KCNIP4: variants seen among roughly 807,000 people sequenced by gnomAD.
KCNIP4 encodes Kv channel-interacting protein 4.
A neutral mutation model predicts 34.0 loss-of-function variants in KCNIP4; 12 were observed. The ratio of observed to expected loss-of-function variants is 0.35; its 90% confidence interval spans 0.23 to 0.57. The LOEUF is 0.57. Among genes scored for constraint, KCNIP4 ranks in the 20% least tolerant of loss-of-function variants. The pLI is 0.83. For missense variants in KCNIP4, 238 were observed against 311.7 expected, an observed-to-expected ratio of 0.76 and a Z score of 1.78; for synonymous variants, 124 against 102.2, an observed-to-expected ratio of 1.21 and a Z score of -1.29.
In KCNIP4 at chr4:21,501,244, T is replaced by TCACACACA. The variant is rs755377009; in HGVS notation, c.61+447326_61+447327insTGTGTGTG. Reference sequence around the variant, plus strand: ...GCCTTTCTCTCTCTCTCTCTCTCTCTCTCTCACACACACACACACACACAC... The same window carrying TCACACACA: ...GCCTTTCTCTCTCTCTCTCTCTCTCTCACACACACTCTCACACACACACACACACACAC... On this transcript the variant is annotated intron_variant, in intron 1 of 8. Transcript: ENST00000382152. Among the ~76,000 whole-genome samples, 222 of 142,530 alleles carry TCACACACA rather than the reference T, an allele frequency of 1.6e-3. 1 individual carries two copies. Among genetic ancestry groups the TCACACACA allele is most frequent in the African/African-American group, 5.8e-3 (209 of 36,124 alleles). 93.5% of individuals were successfully genotyped at this position (142,530 alleles called of 152,430 possible).
Position 21,241,899 on chromosome 4 carries a change from T to TCA in KCNIP4, c.62-359192_62-359191dup, listed in dbSNP as rs563280990. On this transcript the variant is annotated intron_variant, in intron 1 of 8. Transcript: ENST00000382152. ...TCTTATGTTGGCCGGGCGTGGTGGCTCACGCCTGTAATCCCAGCACTTTGG... is the reference window on the plus strand; with the variant it reads ...TCTTATGTTGGCCGGGCGTGGTGGCTCACACGCCTGTAATCCCAGCACTTTGG... Among the ~76,000 whole-genome samples the TCA allele has an allele frequency of 1.2e-4, 19 of 152,116 alleles. No homozygotes were observed. In the South Asian group the frequency reaches 2.7e-3, roughly 22 times the overall value.
chr4:20,822,816 G>A (rs1386554499), intron 3 of KCNIP4, among the ~76,000 whole-genome samples: 2 of 152,114 alleles, frequency 1.3e-5, no homozygotes, highest in African/African-American at 4.8e-5. Context: ...GGTATTAAGA[G>A]GTGGGACCTT....
Position 21,072,768 on chromosome 4 carries a change from T to TA in KCNIP4, c.62-190060dup. 2.0e-5 allele frequency among the ~76,000 whole-genome samples: 3 copies of TA among 152,346 alleles called. No homozygotes were observed. The Middle Eastern group carries it at 0.01, about 518-fold the overall frequency. On this transcript the variant is annotated intron_variant, in intron 1 of 8. Coordinates refer to ENST00000382152, the MANE Select transcript of KCNIP4 (RefSeq NM_025221.6). Reference sequence around the variant, plus strand: ...TGCCTAGGTTTTCTCCTAGGGTTTTTATGGTTTTGGGTCTAACATGTAAGT... The same window carrying TA: ...TGCCTAGGTTTTCTCCTAGGGTTTTTAATGGTTTTGGGTCTAACATGTAAGT...
At chr4:20,989,803 T>C (rs114508351) in intron 1 of KCNIP4, among the ~76,000 whole-genome samples, 1,943 of 152,140 alleles carry the variant, frequency 0.013, 37 homozygotes, top group African/African-American at 0.044. Flanking sequence ...ACCCTATCTC[T>C]ACAAAAATTG....
At chr4:21,577,704 T>C (rs17549542) in intron 1 of KCNIP4, among the ~76,000 whole-genome samples, 8,936 of 152,274 alleles carry the variant, frequency 0.059, 353 homozygotes, top group Non-Finnish European at 0.089. Flanking sequence ...GGTGCCTCTA[T>C]GCCGTTGCAC....
intron 1 of KCNIP4, chr4:20,916,242 G>T: frequency 3.9e-6 from 3 of 771,176 alleles, no homozygotes; most frequent in Non-Finnish European, 4.7e-6. Flanking sequence ...TATGATTTCT[G>T]CCCCAAAGAG....
At chr4:21,778,037 G>C (rs567123146) in intron 1 of KCNIP4, among the ~76,000 whole-genome samples, 22 of 151,928 alleles carry the variant, frequency 1.4e-4, no homozygotes, top group African/African-American at 4.8e-4. Flanking sequence ...AATTCTTCAA[G>C]AACCAATATA....
chr4:20,972,950 G>GA (rs1735120824), intron 1 of KCNIP4, among the ~76,000 whole-genome samples: 1 of 152,102 alleles, frequency 6.6e-6, no homozygotes, highest in South Asian at 2.1e-4. Context: ...AACAAATGAG[G>GA]ACTAACTTCT....
At chr4:21,761,127 A>G (rs572377054) in intron 1 of KCNIP4, among the ~76,000 whole-genome samples, 38 of 152,228 alleles carry the variant, frequency 2.5e-4, no homozygotes, top group African/African-American at 8.7e-4. Context: ...TTGAGAGATG[A>G]GTCTCACTCT....
chr4:20,970,035 G>A (rs948132375), intron 1 of KCNIP4, among the ~76,000 whole-genome samples: 4 of 151,282 alleles, frequency 2.6e-5, no homozygotes, highest in Non-Finnish European at 5.9e-5. Flanking sequence ...TCTGCCTCCC[G>A]GGTTCACTCC....
At chr4:20,731,737 C>G in intron 8 of KCNIP4, 2 of 985,332 alleles carry the variant, frequency 2.0e-6, no homozygotes, top group Non-Finnish European at 2.4e-6. Context: ...CATGAATACT[C>G]TCTAAGGAAT....
Position 21,606,363 on chromosome 4 carries a change from T to C in KCNIP4, c.61+342208A>G, listed in dbSNP as rs528787102. On this transcript the variant is annotated intron_variant, in intron 1 of 8. Transcript: ENST00000382152. ...ATCTTTCTGAGAATCCCTGATATGATCTGGGAACAGTAGTCAGCAGAGTCA... is the reference window on the plus strand; with the variant it reads ...ATCTTTCTGAGAATCCCTGATATGACCTGGGAACAGTAGTCAGCAGAGTCA... Among the ~76,000 whole-genome samples, 36 of 152,234 alleles carry C rather than the reference T, an allele frequency of 2.4e-4. 1 individual carries two copies. The South Asian group carries it at 6.8e-3, about 29-fold the overall frequency.
intron 1 of KCNIP4, among the ~76,000 whole-genome samples, chr4:21,334,092 A>C (rs1349755898): frequency 6.6e-6 from 1 of 152,052 alleles, no homozygotes; most frequent in Non-Finnish European, 1.5e-5. Context: ...AAATCCAATA[A>C]TCATTCATAG....
chr4:21,694,093 A>G lies in KCNIP4; in HGVS notation c.61+254478T>C, dbSNP rs150378996. On this transcript the variant is annotated intron_variant, in intron 1 of 8. Coordinates refer to ENST00000382152, the MANE Select transcript of KCNIP4 (RefSeq NM_025221.6). Reference sequence around the variant, plus strand: ...AACATGACAATATTAAATTTCACACATAAAGAAGAAACAGTTCAAAACATG... The same window carrying G: ...AACATGACAATATTAAATTTCACACGTAAAGAAGAAACAGTTCAAAACATG... Among the ~76,000 whole-genome samples, 487 of 152,346 alleles carry G rather than the reference A, an allele frequency of 3.2e-3. 6 individuals are homozygous for G. The highest frequency in any genetic ancestry group is 0.011 in the African/African-American group (455 of 41,584).
At position 21,698,509 on chromosome 4, in the gene KCNIP4, A is replaced by G. The variant is rs375820916; in HGVS notation, c.61+250062T>C. Among the ~76,000 whole-genome samples, 6 of 152,314 alleles carry G rather than the reference A, an allele frequency of 3.9e-5. No homozygotes were observed. In the East Asian group the frequency reaches 1.2e-3, roughly 29 times the overall value. Reference sequence around the variant, plus strand: ...AATTTTCACAAAGTACTTTCCTTTTAAGACATTGGGATAGAGGCAGTTGCT... The same window carrying G: ...AATTTTCACAAAGTACTTTCCTTTTGAGACATTGGGATAGAGGCAGTTGCT... On this transcript the variant is annotated intron_variant, in intron 1 of 8. Transcript: ENST00000382152.
At chr4:21,616,183 G>A (rs1372423376) in intron 1 of KCNIP4, among the ~76,000 whole-genome samples, 1 of 151,950 alleles carries the variant, frequency 6.6e-6, no homozygotes, top group African/African-American at 2.4e-5. Flanking sequence ...TTGCACTTAG[G>A]GTCTCCCATT....
intron 1 of KCNIP4, among the ~76,000 whole-genome samples, chr4:20,986,584 A>T (rs1331311615): frequency 6.6e-6 from 1 of 152,230 alleles, no homozygotes; most frequent in African/African-American, 2.4e-5. Flanking sequence ...CAACTAAAGT[A>T]CTGAGAGGGG....
intron 1 of KCNIP4, among the ~76,000 whole-genome samples, chr4:21,864,173 T>A (rs898793205): frequency 6.6e-6 from 1 of 152,228 alleles, no homozygotes; most frequent in Non-Finnish European, 1.5e-5. Context: ...TTTCTCACTA[T>A]GAGATGGCTA....
intron 1 of KCNIP4, among the ~76,000 whole-genome samples, chr4:21,507,472 G>T (rs1371719899): frequency 1.3e-5 from 2 of 152,026 alleles, no homozygotes; most frequent in Non-Finnish European, 2.9e-5. Flanking sequence ...GCCCAGGCTG[G>T]TCTCGAACTC....
Sources: gnomAD v4.1 joint callset for allele counts (sites outside exome capture counted in the v4.1 genomes callset) on GRCh38, gnomAD v4.1.1 for gene constraint, MANE v1.5 for transcripts, NCBI Gene and HGNC (gene_info 2026-07-23, HGNC 2026-07-21) for gene names.